Variants in PCSK6 observed in about 807,000 individuals in gnomAD.
The protein encoded by PCSK6 is proprotein convertase subtilisin/kexin type 6, also known as paired basic amino acid cleaving enzyme 4.
PCSK6 carries 85 observed loss-of-function variants against 123.3 expected under a neutral mutation model. The ratio of observed to expected loss-of-function variants is 0.69; its 90% confidence interval spans 0.58 to 0.83. The LOEUF (loss-of-function observed/expected upper bound fraction) is 0.83. Ranked by LOEUF, PCSK6 falls within the 40% of genes least tolerant of loss-of-function variation. The pLI is 0.00. For synonymous variants in PCSK6, 508 were observed against 516.0 expected (o/e 0.98, Z 0.21); for missense variants, 1,191 against 1,282.3 (o/e 0.93, Z 1.09).
chr15:101,416,663 C>T (rs559297158), intron 6 of PCSK6, among the ~76,000 whole-genome samples: 2 of 152,344 alleles, frequency 1.3e-5, no homozygotes, highest in East Asian at 1.9e-4. Flanking sequence ...CCAGGGTCCT[C>T]GTACTGTATG....
At chr15:101,418,096 C>T (rs1009270812) in intron 6 of PCSK6, among the ~76,000 whole-genome samples, 1 of 151,986 alleles carries the variant, frequency 6.6e-6, no homozygotes, top group Non-Finnish European at 1.5e-5. Flanking sequence ...GAATTTATGT[C>T]ATATATTTGA....
intron 1 of PCSK6, among the ~76,000 whole-genome samples, chr15:101,474,188 A>G (rs1490247981): frequency 6.6e-6 from 1 of 152,250 alleles, no homozygotes; most frequent in South Asian, 2.1e-4. Context: ...TAAGTTGGAA[A>G]AAAACAGCAG....
At chr15:101,346,524 T>G (rs1030797186) in intron 13 of PCSK6, 1 of 232,272 alleles carries the variant, frequency 4.3e-6, no homozygotes. Context: ...GAGACGTAGT[T>G]TGAACACGAA....
intron 13 of PCSK6, chr15:101,364,952 A>G (rs1281719529): frequency 2.6e-6 from 2 of 774,282 alleles, no homozygotes; most frequent in Admixed American, 3.4e-5. Flanking sequence ...TGACTCCAAG[A>G]TAGATATACA....
chr15:101,424,852 TA>T (rs1033921861), intron 6 of PCSK6, among the ~76,000 whole-genome samples: 6 of 152,326 alleles, frequency 3.9e-5, no homozygotes, highest in Admixed American at 2.0e-4. Flanking sequence ...ATAACAGGGA[TA>T]TTTTTTAATT....
At chr15:101,400,886 C>T (rs889359566) in intron 6 of PCSK6, among the ~76,000 whole-genome samples, 2 of 152,216 alleles carry the variant, frequency 1.3e-5, no homozygotes, top group African/African-American at 2.4e-5. Flanking sequence ...ATTCATTCTA[C>T]CCAGTTTTGA....
At chr15:101,399,060 G>A (rs2042509422) in intron 6 of PCSK6, among the ~76,000 whole-genome samples, 1 of 152,026 alleles carries the variant, frequency 6.6e-6, no homozygotes, top group Non-Finnish European at 1.5e-5. Context: ...ATACCACCAT[G>A]CCTGGCTAAC....
rs2042162590 is a variant in PCSK6, at chr15:101,389,495, C to T, written c.1279G>A (p.Ala427Thr). The change falls in exon 9 of 22, where the codon GCG (alanine) becomes ACG (threonine). Residue 427 changes from alanine (A) to threonine (T), a missense_variant. Transcript: ENST00000611716. ...TCTAGAGCCAAGGCGATGATGCCCG[C>T]CACCATGGGGGCAGAGACTGAGGTC... ...TGTSVSAPMV[A>T]GIIALALEAN... is the part of the protein sequence containing the mutation. 1 of 1,613,444 alleles carries T rather than the reference C, an allele frequency of 6.2e-7. No homozygotes were observed. Among genetic ancestry groups the T allele is most frequent in the Non-Finnish European group, 8.5e-7 (1 of 1,179,688 alleles).
At chr15:101,489,261 T>C (rs2058101423) in intron 1 of PCSK6, 113 bp downstream of exon 1, 1 of 666,410 alleles carries the variant, frequency 1.5e-6, no homozygotes. Flanking sequence ...CCCGGAGCCT[T>C]CCCACGCGCG....
intron 13 of PCSK6, among the ~76,000 whole-genome samples, chr15:101,360,592 T>C (rs58229909): frequency 2.1e-4 from 21 of 99,756 alleles, no homozygotes; most frequent in African/African-American, 1.0e-3. Context: ...CCGGGGGCCT[T>C]AGCATCCCCT....
intron 7 of PCSK6, among the ~76,000 whole-genome samples, chr15:101,397,063 G>T: frequency 6.6e-6 from 1 of 152,168 alleles, no homozygotes. Context: ...GGTGCAGCTG[G>T]CAGGAGGCAG....
At chr15:101,362,584 C>T (rs1254808126) in intron 13 of PCSK6, among the ~76,000 whole-genome samples, 1 of 152,140 alleles carries the variant, frequency 6.6e-6, no homozygotes. Context: ...TGTGGCATCA[C>T]TGCAGCTGTG....
At chr15:101,411,397 G>C (rs765155795) in intron 6 of PCSK6, among the ~76,000 whole-genome samples, 1 of 152,058 alleles carries the variant, frequency 6.6e-6, no homozygotes, top group African/African-American at 2.4e-5. Flanking sequence ...CTGGGAGCGG[G>C]GAGTCCGCCT....
chr15:101,310,207 A>G (rs1181257854), intron 20 of PCSK6, among the ~76,000 whole-genome samples: 1 of 152,220 alleles, frequency 6.6e-6, no homozygotes, highest in Non-Finnish European at 1.5e-5. Flanking sequence ...GTGCTTCTCC[A>G]AGACCCGGTG....
At chr15:101,462,998 C>T (rs1348156111) in intron 1 of PCSK6, 4 of 458,288 alleles carry the variant, frequency 8.7e-6, no homozygotes, top group Non-Finnish European at 1.3e-5. Flanking sequence ...CCGTTTCCTC[C>T]TCCGTGTTGG....
At chr15:101,425,940 C>T (rs1264134880) in intron 6 of PCSK6, among the ~76,000 whole-genome samples, 2 of 152,202 alleles carry the variant, frequency 1.3e-5, no homozygotes, top group East Asian at 1.9e-4. Flanking sequence ...TCTAAACCAG[C>T]GCTTCTCACA....
chr15:101,385,716 T>C (rs2042042499), intron 9 of PCSK6, among the ~76,000 whole-genome samples: 1 of 152,214 alleles, frequency 6.6e-6, no homozygotes, highest in African/African-American at 2.4e-5. Flanking sequence ...GCAACCTGGA[T>C]ATTTGAACAT....
chr15:101,341,336 C>T (rs1035970833), intron 13 of PCSK6, among the ~76,000 whole-genome samples: 2 of 150,836 alleles, frequency 1.3e-5, no homozygotes, highest in African/African-American at 4.9e-5. Context: ...GCAACCTCTG[C>T]CTCCTGGATT....
At chr15:101,341,265 T>C (rs1474442504) in intron 13 of PCSK6, among the ~76,000 whole-genome samples, 5 of 143,848 alleles carry the variant, frequency 3.5e-5, no homozygotes, top group South Asian at 2.2e-4. Context: ...TTTTTTTTTT[T>C]CTTGACAAAG....
Sources: allele counts gnomAD v4.1 joint callset (sites outside exome capture counted in the v4.1 genomes callset), GRCh38; gene constraint gnomAD v4.1.1; transcripts MANE v1.5; gene names NCBI Gene and HGNC (gene_info 2026-07-23, HGNC 2026-07-21).